The following DSCAML1 variants were observed in gnomAD, a reference collection of about 807,000 sequenced individuals.
DSCAML1 encodes the protein cell adhesion molecule DSCAML1.
A neutral mutation model predicts 200.5 loss-of-function variants in DSCAML1; 38 were observed. The ratio of observed to expected loss-of-function variants is 0.19; its 90% CI spans 0.15 to 0.25. DSCAML1 has a LOEUF of 0.25. Among genes scored for constraint, DSCAML1 ranks in the 10% least tolerant of loss-of-function variants. The pLI is 1.00. For missense variants in DSCAML1, 2,223 were observed against 2,858.8 expected, an observed-to-expected ratio of 0.78 and a Z score of 5.07; for synonymous variants, 1,215 against 1,165.0, an observed-to-expected ratio of 1.04 and a Z score of -0.87.
intron 32 of DSCAML1, 117 bp from the exon 33 acceptor site, chr11:117,428,920 C>A (rs1008647343): frequency 2.1e-6 from 2 of 961,002 alleles, no homozygotes; most frequent in Admixed American, 2.6e-5. Context: ...ATAGGGGCCC[C>A]TCCACTGGGG....
intron 4 of DSCAML1, 131 bp from the exon 5 acceptor site, chr11:117,525,214 G>A (rs1205294600): frequency 1.8e-5 from 20 of 1,122,100 alleles, no homozygotes; most frequent in Middle Eastern, 2.9e-4. Context: ...TTTCCAGGGC[G>A]GCTCCAGAGG....
chr11:117,518,599 G>A lies in DSCAML1; in HGVS notation c.1377C>T (p.Tyr459=), dbSNP rs1436300354. The A allele has an allele frequency of 8.7e-6, 14 of 1,613,968 alleles. No individual in the cohort carries two copies. Among genetic ancestry groups the A allele is most frequent in the Non-Finnish European group, 1.1e-5 (13 of 1,179,998 alleles). The stretch of plus-strand genomic sequence containing the variant: ...TGATGGTGGTGCCGTCCGACATGGT[G>A]TACTGGTTGGTGCGGTGGCTGCCAT... ...VRDGSHRTNQ[Y]TMSDGTTISH... Residue 459 remains tyrosine (Y), a synonymous_variant, in exon 7 of 33, where the codon TAC becomes TAT. Coordinates refer to ENST00000651296, the MANE Select transcript of DSCAML1 (RefSeq NM_020693.4). The surrounding 1 kb of genome is among the most constrained non-coding windows in gnomAD (Gnocchi z 6.3).
intron 11 of DSCAML1, among the ~76,000 whole-genome samples, chr11:117,497,861 C>G (rs1360963537): frequency 6.6e-6 from 1 of 152,230 alleles, no homozygotes; most frequent in South Asian, 2.1e-4. Context: ...AGCACCCAGG[C>G]CTCAGCCCTT....
At chr11:117,736,484 C>A (rs1464965282) in intron 3 of DSCAML1, among the ~76,000 whole-genome samples, 1 of 152,218 alleles carries the variant, frequency 6.6e-6, no homozygotes, top group Non-Finnish European at 1.5e-5. Flanking sequence ...CACAAACCAA[C>A]CCTGGTGCAA....
At chr11:117,522,838 C>T (rs976368550) in intron 5 of DSCAML1, among the ~76,000 whole-genome samples, 1 of 152,108 alleles carries the variant, frequency 6.6e-6, no homozygotes, top group Non-Finnish European at 1.5e-5. Context: ...TCTCCATGAA[C>T]CTGGCAGGGA....
intron 22 of DSCAML1, 146 bp downstream of exon 22, chr11:117,439,673 G>C: frequency 3.5e-6 from 3 of 851,318 alleles, no homozygotes. Context: ...GCTTGAGAGA[G>C]CAGTAGCAGC....
chr11:117,793,813 A>C (rs1238375268), intron 1 of DSCAML1, among the ~76,000 whole-genome samples: 2 of 151,954 alleles, frequency 1.3e-5, no homozygotes, highest in Non-Finnish European at 2.9e-5. Flanking sequence ...CCCCCATTCT[A>C]CTGCAGAAAT....
chr11:117,816,723 C>T (rs1448247823), intron 1 of DSCAML1, among the ~76,000 whole-genome samples: 4 of 149,904 alleles, frequency 2.7e-5, no homozygotes, highest in African/African-American at 2.4e-5. Context: ...CTAGACGCAG[C>T]GCCAGTGGAG....
intron 26 of DSCAML1, 39 bp from the exon 27 acceptor site, chr11:117,435,838 G>T (rs761940792): frequency 4.0e-5 from 63 of 1,582,724 alleles, no homozygotes; most frequent in Non-Finnish European, 5.4e-5. Flanking sequence ...TGTCCCTTAT[G>T]AGCCAGGTGC....
chr11:117,443,968 C>G lies in DSCAML1; in HGVS notation c.3780G>C (p.Gln1260His), dbSNP rs201850892. 3 of 1,613,974 alleles carry G rather than the reference C, an allele frequency of 1.9e-6. No individual in the cohort carries two copies. The highest frequency in any genetic ancestry group is 2.5e-6 in the Non-Finnish European group (3 of 1,179,990). The change falls in exon 21 of 33, where the codon CAG (glutamine) becomes CAC (histidine). Residue 1260 changes from glutamine (Q) to histidine (H), a missense_variant. Around this residue, in one of 7 missense-constraint regions of DSCAML1, gnomAD observed 614 missense variants for 739.1 expected, o/e 0.83. Transcript: ENST00000651296. ...YRIAHLNRGQQYLLWVAAVTS... is the reference protein window; with the variant it reads ...YRIAHLNRGQHYLLWVAAVTS... ...TGACGGCGGCCACCCACAGCAGATACTGCTGACCGCGGTTTAGGTGGGCGA... is the reference window on the plus strand; with the variant it reads ...TGACGGCGGCCACCCACAGCAGATAGTGCTGACCGCGGTTTAGGTGGGCGA...
intron 8 of DSCAML1, among the ~76,000 whole-genome samples, chr11:117,507,094 G>C (rs1441580437): frequency 6.7e-6 from 1 of 149,882 alleles, no homozygotes; most frequent in Admixed American, 6.6e-5. Flanking sequence ...GCTCTGGCTA[G>C]AGCATCAGCC....
At chr11:117,767,727 A>G (rs760107122) in intron 3 of DSCAML1, among the ~76,000 whole-genome samples, 2 of 152,210 alleles carry the variant, frequency 1.3e-5, no homozygotes, top group Admixed American at 6.5e-5. Context: ...GTTACAAGGA[A>G]GAAGGTTGCA....
At position 117,489,484 on chromosome 11, in the gene DSCAML1, GAGAGA is replaced by G. The variant is rs2049145117; in HGVS notation, c.2360-7327_2360-7323del. The stretch of plus-strand genomic sequence containing the variant: ...TGCAGGGGAGACTTTCTGGGGACTT[GAGAGA>G]AGGGAAGGGCTAGGGCTAGGCACAG... On this transcript the variant is annotated intron_variant, in intron 11 of 32. Transcript: ENST00000651296. This position sits in a 1 kb window ranked among gnomAD's most constrained non-coding sequence, Gnocchi z 4.8. Among the ~76,000 whole-genome samples the G allele has an allele frequency of 1.3e-5, 2 of 152,332 alleles. No homozygotes were observed. Among genetic ancestry groups the G allele is most frequent in the East Asian group, 3.9e-4 (2 of 5,186 alleles).
At chr11:117,500,881 C>T (rs2049381174) in intron 11 of DSCAML1, among the ~76,000 whole-genome samples, 1 of 152,140 alleles carries the variant, frequency 6.6e-6, no homozygotes, top group Non-Finnish European at 1.5e-5. Context: ...AGTTTGCTTT[C>T]TGAGAGTTCA....
At chr11:117,501,626 CAGG>C (rs1273268375) in intron 11 of DSCAML1, among the ~76,000 whole-genome samples, 1 of 151,968 alleles carries the variant, frequency 6.6e-6, no homozygotes, top group Non-Finnish European at 1.5e-5. Flanking sequence ...ACATTTGTGA[CAGG>C]AGGGGTGTGA....
chr11:117,549,843 G>A (rs1188655862), intron 3 of DSCAML1, among the ~76,000 whole-genome samples: 4 of 152,064 alleles, frequency 2.6e-5, no homozygotes, highest in Non-Finnish European at 5.9e-5. Context: ...CAGGCTAATC[G>A]GCGTGACTGT....
intron 21 of DSCAML1, among the ~76,000 whole-genome samples, chr11:117,441,206 AC>A (rs1195325386): frequency 6.6e-6 from 1 of 152,094 alleles, no homozygotes; most frequent in East Asian, 1.9e-4. Context: ...GAGTGATGGC[AC>A]CCTCATGGGA....
At chr11:117,745,001 G>A (rs1402491639) in intron 3 of DSCAML1, among the ~76,000 whole-genome samples, 1 of 123,422 alleles carries the variant, frequency 8.1e-6, no homozygotes. Flanking sequence ...GACAGCCGCA[G>A]TGATTACCAA....
At chr11:117,526,810 C>G (rs1406129360) in intron 4 of DSCAML1, among the ~76,000 whole-genome samples, 1 of 152,166 alleles carries the variant, frequency 6.6e-6, no homozygotes, top group Non-Finnish European at 1.5e-5. Flanking sequence ...GCCACCGTGC[C>G]CAGCTCAGAA....
Sources: allele counts gnomAD v4.1 joint callset (sites outside exome capture counted in the v4.1 genomes callset), GRCh38; gene constraint gnomAD v4.1.1; regional missense constraint gnomAD v4.1.1; non-coding constraint Gnocchi (gnomAD v3.1); transcripts MANE v1.5; gene names NCBI Gene and HGNC (gene_info 2026-07-23, HGNC 2026-07-21).